DGKD: variants seen among roughly 807,000 people sequenced by gnomAD.
DGKD encodes diacylglycerol kinase delta.
Under a neutral mutation model 154.4 loss-of-function variants are expected in DGKD, and 68 were observed. That is an observed-to-expected ratio of 0.44 (90% CI 0.36 to 0.54). The LOEUF (loss-of-function observed/expected upper bound fraction) is 0.54. Ranked by LOEUF, DGKD falls within the 20% of genes least tolerant of loss-of-function variation. The probability of loss-of-function intolerance (pLI) is 0.00; values close to 1 mark genes in which losing one functional copy is unlikely to be tolerated. For synonymous variants in DGKD, 693 were observed against 638.0 expected, an observed-to-expected ratio of 1.09 and a Z score of -1.30; for missense variants, 1,343 against 1,593.6, an observed-to-expected ratio of 0.84 and a Z score of 2.68.
At position 233,414,121 on chromosome 2, in the gene DGKD, T is replaced by C. The variant is rs77230875; in HGVS notation, c.349-20259T>C. Among the ~76,000 whole-genome samples, 1,005 of 152,138 alleles carry C rather than the reference T, an allele frequency of 6.6e-3. 18 individuals carry two copies. The highest frequency in any genetic ancestry group is 0.023 in the African/African-American group (961 of 41,472). On this transcript the variant is annotated intron_variant, in intron 3 of 29. Transcript: ENST00000264057. ...CTGAGATGCCCTTTCCTGGACAGAT[T>C]ACAAATGACAGCCCCTGGAGCAAAC...
At position 233,434,781 on chromosome 2, in the gene DGKD, A is replaced by G. The variant is rs2062635434; in HGVS notation, c.466A>G (p.Ser156Gly). ...TTCGTTCTTCCAGCCCACCCAGTAC[A>G]GCATGGACCACTTCTCAGGGATGCA... ...NREHFEPTQY[S>G]MDHFSGMHNW... Residue 156 changes from serine to glycine, a missense_variant, in exon 5 of 30, where the codon AGC (serine) becomes GGC (glycine). Physicochemically the swap from Ser to Gly is moderately conservative, Grantham distance 56. This residue lies in a region of DGKD where 332 missense variants were observed against 400.1 expected (regional missense o/e 0.83). Transcript: ENST00000264057. 1 of 1,613,816 alleles carries G rather than the reference A, an allele frequency of 6.2e-7. No individual in the cohort carries two copies. Among genetic ancestry groups the G allele is most frequent in the African/African-American group, 1.3e-5 (1 of 75,034 alleles).
chr2:233,390,689 A>AAT (rs1703540330), intron 3 of DGKD, among the ~76,000 whole-genome samples: 1 of 152,214 alleles, frequency 6.6e-6, no homozygotes, highest in African/African-American at 2.4e-5. Context: ...ACAAAAGGAC[A>AAT]ATAGGGACCA....
Position 233,470,592 on chromosome 2 carries a change from A to C in DGKD, c.*1132A>C, listed in dbSNP as rs1479161718. 1 of 152,482 alleles carries C rather than the reference A, an allele frequency of 6.6e-6. No homozygotes were observed. 9.4% of individuals were successfully genotyped at this position (152,482 alleles called of 1,614,324 possible). A position where few individuals can be genotyped will look rare whatever the true frequency, so the allele number is the denominator to read the frequency against. On this transcript the variant is annotated 3_prime_UTR_variant, in exon 30 of 30. Coordinates refer to ENST00000264057, the MANE Select transcript of DGKD (RefSeq NM_152879.3). ...CTAGTAGATGATGGTGCCAGAGGGC[A>C]GGGAGCTCGCCTGGGGAGAGGGCTG...
intron 7 of DGKD, among the ~76,000 whole-genome samples, chr2:233,437,037 G>C (rs1475048073): frequency 6.6e-6 from 1 of 152,238 alleles, no homozygotes; most frequent in African/African-American, 2.4e-5. Context: ...GGGACACATA[G>C]AGGCACATGG....
At position 233,469,729 on chromosome 2, in the gene DGKD, C is replaced by T. The variant is rs1178578229; in HGVS notation, c.*269C>T. ...AGAGTCACCTGGGGCACATGTGTCA[C>T]GGCCACTCAGCTCTCGCCCGCCTGT... On this transcript the variant is annotated 3_prime_UTR_variant, in exon 30 of 30. Coordinates refer to ENST00000264057, the MANE Select transcript of DGKD (RefSeq NM_152879.3). 11 of 461,220 alleles carry T rather than the reference C, an allele frequency of 2.4e-5. No individual in the cohort carries two copies. In the East Asian group the frequency reaches 3.5e-4, roughly 14 times the overall value. The allele number at this position is 461,220 out of a possible 1,614,324, so 28.6% of individuals were successfully genotyped here. A position where few individuals can be genotyped will look rare whatever the true frequency, so the allele number is the denominator to read the frequency against.
intron 3 of DGKD, among the ~76,000 whole-genome samples, chr2:233,396,935 GC>G (rs369276407): frequency 0.016 from 1,902 of 121,992 alleles, 24 homozygotes; most frequent in African/African-American, 0.019. Context: ...GCTGGGGGGG[GC>G]CAGAGCGAGA....
intron 7 of DGKD, among the ~76,000 whole-genome samples, chr2:233,436,749 C>G (rs1259233206): frequency 6.6e-6 from 1 of 152,280 alleles, no homozygotes; most frequent in Admixed American, 6.5e-5. Context: ...ATTGAGCTGG[C>G]CGCCTCTGTG....
At chr2:233,454,998 A>G (rs1358849834) in intron 19 of DGKD, 125 bp downstream of exon 19, 2 of 617,106 alleles carry the variant, frequency 3.2e-6, no homozygotes, top group Non-Finnish European at 2.8e-6. Context: ...GGGGGCAGAA[A>G]TGGAGCCCAG....
intron 1 of DGKD, among the ~76,000 whole-genome samples, chr2:233,380,232 G>A (rs1309372940): frequency 6.6e-6 from 1 of 152,216 alleles, no homozygotes; most frequent in Non-Finnish European, 1.5e-5. Flanking sequence ...GAGGAAACGT[G>A]GGGGTCAGTG....
chr2:233,428,877 G>T (rs372001512), intron 3 of DGKD, among the ~76,000 whole-genome samples: 5,962 of 143,552 alleles, frequency 0.042, 357 homozygotes, highest in African/African-American at 0.15. Context: ...GTTTTTTTTT[G>T]TTGTTGTTGT....
rs200241206 is a variant in DGKD at position 233,456,852 on chromosome 2, T to C, written c.2376-47T>C. The C allele has an allele frequency of 3.0e-5, 44 of 1,457,642 alleles. No individual in the cohort carries two copies. In the Admixed American group the frequency reaches 3.7e-4, roughly 12 times the overall value. The allele number at this position is 1,457,642 out of a possible 1,614,324, so 90.3% of individuals were successfully genotyped here. ...TCACAGAAATGACTCTGGTTAACTATACGAAGAAAGCCCAGACCTATGGCA... is the reference window on the plus strand; with the variant it reads ...TCACAGAAATGACTCTGGTTAACTACACGAAGAAAGCCCAGACCTATGGCA... On this transcript the variant is annotated intron_variant, in intron 19 of 29. Coordinates refer to ENST00000264057, the MANE Select transcript of DGKD (RefSeq NM_152879.3).
At chr2:233,355,274 C>G (rs753307246) in intron 1 of DGKD, among the ~76,000 whole-genome samples, 126 of 152,224 alleles carry the variant, frequency 8.3e-4, no homozygotes, top group Admixed American at 1.5e-3. Flanking sequence ...CGCGCACCCG[C>G]TTGGCACCCA....
chr2:233,420,560 C>G (rs1404111024), intron 3 of DGKD, among the ~76,000 whole-genome samples: 1 of 152,208 alleles, frequency 6.6e-6, no homozygotes, highest in Non-Finnish European at 1.5e-5. Flanking sequence ...TAGGCATAAA[C>G]AGTATATAGC....
chr2:233,388,059 A>C, intron 1 of DGKD, 198 bp from the exon 2 acceptor site: 1 of 1,238,200 alleles, frequency 8.1e-7, no homozygotes, highest in East Asian at 2.7e-5. Flanking sequence ...TGCCCCTTAG[A>C]GGACAGGATT....
chr2:233,377,040 TC>T (rs1359421583), intron 1 of DGKD, among the ~76,000 whole-genome samples: 1 of 151,480 alleles, frequency 6.6e-6, no homozygotes, highest in African/African-American at 2.4e-5. Flanking sequence ...AACAATGTCC[TC>T]CTTTTTACAA....
chr2:233,391,552 G>A (rs1038908348), intron 3 of DGKD, among the ~76,000 whole-genome samples: 2 of 152,208 alleles, frequency 1.3e-5, no homozygotes, highest in Admixed American at 6.5e-5. Flanking sequence ...GCGCCTGCCT[G>A]TGTAAGGTTT....
At chr2:233,424,473 T>C (rs1369806962) in intron 3 of DGKD, among the ~76,000 whole-genome samples, 1 of 152,206 alleles carries the variant, frequency 6.6e-6, no homozygotes, top group African/African-American at 2.4e-5. Flanking sequence ...GAGATGTTGG[T>C]ATCGTCCTTG....
At chr2:233,431,527 T>A (rs758355528) in intron 3 of DGKD, among the ~76,000 whole-genome samples, 2 of 152,158 alleles carry the variant, frequency 1.3e-5, no homozygotes, top group Non-Finnish European at 2.9e-5. Context: ...ATAGCCAAAA[T>A]TCTCCTGATG....
chr2:233,420,482 T>TG (rs1291385298), intron 3 of DGKD, among the ~76,000 whole-genome samples: 2 of 152,224 alleles, frequency 1.3e-5, no homozygotes, highest in Non-Finnish European at 1.5e-5. Context: ...CCCCCTTCCC[T>TG]GGGGGCATCC....
Sources: allele counts gnomAD v4.1 joint callset (sites outside exome capture counted in the v4.1 genomes callset), GRCh38; gene constraint gnomAD v4.1.1; regional missense constraint gnomAD v4.1.1; transcripts MANE v1.5; gene names NCBI Gene and HGNC (gene_info 2026-07-23, HGNC 2026-07-21).